SASS6: variants seen among roughly 807,000 people sequenced by gnomAD.
The protein encoded by SASS6 is spindle assembly abnormal protein 6 homolog.
A neutral mutation model predicts 94.9 loss-of-function variants in SASS6; 59 were observed. That is an observed-to-expected ratio of 0.62 (90% CI 0.50 to 0.77). The LOEUF is 0.77. Among genes scored for constraint, SASS6 ranks in the 30% least tolerant of loss-of-function variants. The probability of loss-of-function intolerance (pLI) is 0.00; values close to 1 mark genes in which losing one functional copy is unlikely to be tolerated. For missense variants in SASS6, 698 were observed against 734.1 expected (o/e 0.95, Z 0.57); for synonymous variants, 264 against 270.0 (o/e 0.98, Z 0.22).
At chr1:100,113,482 G>A (rs530854632) in intron 7 of SASS6, among the ~76,000 whole-genome samples, 15 of 152,000 alleles carry the variant, frequency 9.9e-5, no homozygotes, top group Non-Finnish European at 1.8e-4. Flanking sequence ...TCAGCCAGGC[G>A]TGGTGGCAGG....
At chr1:100,125,609 G>A (rs1316257112) in intron 2 of SASS6, among the ~76,000 whole-genome samples, 7 of 149,490 alleles carry the variant, frequency 4.7e-5, no homozygotes, top group Non-Finnish European at 8.9e-5. Context: ...AACCCGGGAG[G>A]TGAGTGAGCC....
intron 2 of SASS6, among the ~76,000 whole-genome samples, chr1:100,123,548 T>C (rs1311332056): frequency 1.3e-5 from 2 of 152,218 alleles, no homozygotes; most frequent in Non-Finnish European, 2.9e-5. Context: ...TTTAGGAATA[T>C]CCTCCTATCA....
At chr1:100,088,536 C>A (rs1035479866) in intron 14 of SASS6, among the ~76,000 whole-genome samples, 1 of 152,140 alleles carries the variant, frequency 6.6e-6, no homozygotes, top group Non-Finnish European at 1.5e-5. Flanking sequence ...GTGATCCTCC[C>A]GTCTCAGCCT....
chr1:100,090,653 C>A (rs111475615), intron 14 of SASS6, among the ~76,000 whole-genome samples: 50 of 152,218 alleles, frequency 3.3e-4, no homozygotes, highest in African/African-American at 1.1e-3. Flanking sequence ...GGGGAAACAT[C>A]TTCCCTACTT....
At chr1:100,102,918 AT>A in intron 14 of SASS6, 36 bp downstream of exon 14, 6 of 1,547,262 alleles carry the variant, frequency 3.9e-6, no homozygotes, top group Non-Finnish European at 5.3e-6. Context: ...AGGTTGCTAT[AT>A]TTTTTCCCAG....
At chr1:100,122,314 C>T (rs1654251266) in intron 4 of SASS6, 66 bp downstream of exon 4, 1 of 720,890 alleles carries the variant, frequency 1.4e-6, no homozygotes, top group Non-Finnish European at 2.4e-6. Flanking sequence ...TTGCCATCAA[C>T]TTGTGTTTCA....
chr1:100,092,965 C>T (rs997997692), intron 14 of SASS6, among the ~76,000 whole-genome samples: 1 of 151,648 alleles, frequency 6.6e-6, no homozygotes, highest in Non-Finnish European at 1.5e-5. Flanking sequence ...ACAATACATA[C>T]GAAATATGAA....
At chr1:100,091,585 C>G (rs1373886775) in intron 14 of SASS6, among the ~76,000 whole-genome samples, 1 of 146,640 alleles carries the variant, frequency 6.8e-6, no homozygotes, top group Non-Finnish European at 1.5e-5. Context: ...CCCATTATAA[C>G]CGTGCTCTAA....
At chr1:100,113,669 T>C (rs946363073) in intron 7 of SASS6, among the ~76,000 whole-genome samples, 7 of 136,564 alleles carry the variant, frequency 5.1e-5, no homozygotes, top group African/African-American at 1.9e-4. Context: ...AGGTAGTAAA[T>C]AGAAATTAAC....
At chr1:100,119,905 T>C (rs1221672969) in intron 6 of SASS6, among the ~76,000 whole-genome samples, 1 of 152,230 alleles carries the variant, frequency 6.6e-6, no homozygotes, top group Non-Finnish European at 1.5e-5. Flanking sequence ...AGATAGTTCT[T>C]TAAAGCAAAG....
chr1:100,113,382 G>A (rs1418604460), intron 7 of SASS6, among the ~76,000 whole-genome samples: 1 of 152,070 alleles, frequency 6.6e-6, no homozygotes, highest in Non-Finnish European at 1.5e-5. Context: ...GCTGAGGCGG[G>A]CGGATCACGA....
intron 14 of SASS6, among the ~76,000 whole-genome samples, chr1:100,093,258 C>T (rs1032165641): frequency 6.1e-5 from 9 of 147,146 alleles, no homozygotes; most frequent in Non-Finnish European, 1.3e-4. Flanking sequence ...CAGCTCACTG[C>T]CACCTCCACA....
intron 7 of SASS6, among the ~76,000 whole-genome samples, chr1:100,111,164 A>G (rs1653303233): frequency 6.6e-6 from 1 of 152,042 alleles, no homozygotes; most frequent in Non-Finnish European, 1.5e-5. Context: ...ATGCTCTTAC[A>G]GGCAAAAAGG....
In SASS6 at chr1:100,084,659, TA is replaced by T. The variant is rs943450888; in HGVS notation, c.*668del. The T allele has an allele frequency of 3.4e-4, 51 of 152,238 alleles. No homozygotes were observed. The highest frequency in any genetic ancestry group is 1.2e-3 in the African/African-American group (49 of 41,578). The allele number at this position is 152,238 out of a possible 1,614,324, so 9.4% of individuals were successfully genotyped here. ...AAACATTTAGGAAGCACTGAAGTTT[TA>T]AAAACTTGTCAGCTCAAATGACAAA... On this transcript the variant is annotated 3_prime_UTR_variant, in exon 17 of 17. Transcript: ENST00000287482.
In SASS6 at chr1:100,125,962, C is replaced by A; in HGVS notation, c.66-20G>T. On this transcript the variant is annotated intron_variant, in intron 1 of 16. Coordinates refer to ENST00000287482, the MANE Select transcript of SASS6 (RefSeq NM_194292.3). ...ACTCTCCTGTAGGAAAAGACATACC[C>A]AACCATCAGAAACATTCACACGAAA... 7.5e-7 allele frequency: 1 copy of A among 1,338,856 alleles called. No homozygotes were observed. Among genetic ancestry groups the A allele is most frequent in the Admixed American group, 2.2e-5 (1 of 45,096 alleles). The allele number at this position is 1,338,856 out of a possible 1,614,324, so 82.9% of individuals were successfully genotyped here.
chr1:100,117,870 C>T (rs1471192591), intron 7 of SASS6, among the ~76,000 whole-genome samples: 1 of 144,590 alleles, frequency 6.9e-6, no homozygotes, highest in Non-Finnish European at 1.5e-5. Context: ...AAAAAAATAA[C>T]CACACAGAAA....
chr1:100,128,510 A>T (rs1387870532), intron 1 of SASS6, among the ~76,000 whole-genome samples: 2 of 152,248 alleles, frequency 1.3e-5, no homozygotes, highest in Non-Finnish European at 2.9e-5. Context: ...TATATACATT[A>T]GATGTTGAAA....
Position 100,132,874 on chromosome 1 carries a change from A to G in SASS6, c.-60T>C, listed in dbSNP as rs893191923. ...CCCAACAGGCCCGGCCCTCGGGATT[A>G]GCCTGAGAGGTCCGGGTCCTGATAA... On this transcript the variant is annotated 5_prime_UTR_variant, in exon 1 of 17. Transcript: ENST00000287482. The G allele has an allele frequency of 2.2e-5, 32 of 1,469,200 alleles. No homozygotes were observed. In the Admixed American group the frequency reaches 2.5e-4, roughly 12 times the overall value. The allele number at this position is 1,469,200 out of a possible 1,614,324, so 91.0% of individuals were successfully genotyped here.
chr1:100,104,109 A>C (rs998824479), intron 13 of SASS6, among the ~76,000 whole-genome samples: 12 of 152,220 alleles, frequency 7.9e-5, no homozygotes, highest in African/African-American at 2.9e-4. Flanking sequence ...GGGTATCTGA[A>C]TAAATCCTAT....
Sources: gnomAD v4.1 joint callset for allele counts (sites outside exome capture counted in the v4.1 genomes callset) on GRCh38, gnomAD v4.1.1 for gene constraint, MANE v1.5 for transcripts, NCBI Gene and HGNC (gene_info 2026-07-23, HGNC 2026-07-21) for gene names.